DNAH7: variants seen among roughly 807,000 people sequenced by gnomAD.
DNAH7 encodes the protein dynein axonemal heavy chain 7.
A neutral mutation model predicts 444.6 loss-of-function variants in DNAH7; 397 were observed. That is an observed-to-expected ratio of 0.89 (90% CI 0.82 to 0.97). DNAH7 has a LOEUF of 0.97. Ranked by LOEUF, DNAH7 falls within the 50% of genes least tolerant of loss-of-function variation. The pLI, the probability that DNAH7 is intolerant of heterozygous loss-of-function variation, is 0.00. For missense variants in DNAH7, 4,902 were observed against 4,800.8 expected (o/e 1.02, Z -0.62); for synonymous variants, 1,636 against 1,624.4 (o/e 1.01, Z -0.17).
intron 38 of DNAH7, among the ~76,000 whole-genome samples, 186 bp downstream of exon 38, chr2:195,875,489 C>A (rs528159874): frequency 6.6e-6 from 1 of 152,260 alleles, no homozygotes; most frequent in African/African-American, 2.4e-5. Context: ...GGGTGCATAG[C>A]CCATCCAAGG....
At chr2:195,779,408 G>A (rs1695265657) in intron 58 of DNAH7, among the ~76,000 whole-genome samples, 1 of 151,998 alleles carries the variant, frequency 6.6e-6, no homozygotes, top group Admixed American at 6.6e-5. Context: ...AACATTACCA[G>A]TCTGCTTTTC....
At chr2:195,759,203 C>A (rs1694227414) in intron 61 of DNAH7, among the ~76,000 whole-genome samples, 1 of 152,136 alleles carries the variant, frequency 6.6e-6, no homozygotes, top group Admixed American at 6.6e-5. Context: ...GGGGCCAGTT[C>A]AGCCACAGTA....
At chr2:195,922,565 T>C (rs1017806931) in intron 23 of DNAH7, among the ~76,000 whole-genome samples, 2 of 152,186 alleles carry the variant, frequency 1.3e-5, no homozygotes, top group Admixed American at 1.3e-4. Flanking sequence ...GCATCTGAAA[T>C]GATTCCGCCA....
intron 61 of DNAH7, among the ~76,000 whole-genome samples, chr2:195,762,730 A>G (rs1163304630): frequency 1.3e-5 from 2 of 152,196 alleles, no homozygotes; most frequent in Non-Finnish European, 2.9e-5. Flanking sequence ...AGATATATAA[A>G]GCAACTATTA....
intron 45 of DNAH7, among the ~76,000 whole-genome samples, chr2:195,854,412 A>G (rs1009661488): frequency 6.6e-6 from 1 of 152,196 alleles, no homozygotes; most frequent in Admixed American, 6.5e-5. Flanking sequence ...ATGTATATCA[A>G]GTCAATGATT....
At chr2:195,945,447 G>GA (rs946315878) in intron 19 of DNAH7, among the ~76,000 whole-genome samples, 15 of 151,820 alleles carry the variant, frequency 9.9e-5, no homozygotes, top group Admixed American at 3.9e-4. Context: ...AGTCCTGTTG[G>GA]AAAAAAAAGT....
chr2:195,972,835 G>A (rs547563588), intron 15 of DNAH7, among the ~76,000 whole-genome samples: 1 of 152,282 alleles, frequency 6.6e-6, no homozygotes, highest in African/African-American at 2.4e-5. Flanking sequence ...GCAATACACT[G>A]TGATGAAAGA....
At chr2:195,949,703 C>T (rs896086441) in intron 19 of DNAH7, among the ~76,000 whole-genome samples, 6 of 152,152 alleles carry the variant, frequency 3.9e-5, no homozygotes, top group African/African-American at 1.2e-4. Context: ...GGAATGCTTC[C>T]AGCTTTTGCC....
At position 195,875,868 on chromosome 2, in the gene DNAH7, C is replaced by G. The variant is rs374574398; in HGVS notation, c.6118-25G>C. ...CCTGAGAATGAGAAGAGAAGAGGTA[C>G]AGAAAATATTAACATCTCAACATAC... On this transcript the variant is annotated intron_variant, in intron 37 of 64. Transcript: ENST00000312428. 379 of 1,577,208 alleles carry G rather than the reference C, an allele frequency of 2.4e-4. 1 individual carries two copies. Among genetic ancestry groups the G allele is most frequent in the Admixed American group, 9.5e-4 (50 of 52,850 alleles).
intron 60 of DNAH7, among the ~76,000 whole-genome samples, chr2:195,772,245 G>A (rs1421840646): frequency 6.6e-6 from 1 of 152,168 alleles, no homozygotes; most frequent in Non-Finnish European, 1.5e-5. Flanking sequence ...AGCGATGGCG[G>A]GCATTAAAAC....
intron 21 of DNAH7, among the ~76,000 whole-genome samples, chr2:195,933,204 C>T (rs894540431): frequency 6.6e-6 from 1 of 152,240 alleles, no homozygotes; most frequent in South Asian, 2.1e-4. Flanking sequence ...CAATGAGATA[C>T]CATCTCACAC....
intron 40 of DNAH7, among the ~76,000 whole-genome samples, chr2:195,870,266 G>C (rs1700596344): frequency 6.6e-6 from 1 of 152,140 alleles, no homozygotes; most frequent in African/African-American, 2.4e-5. Flanking sequence ...TTTAGAAGGT[G>C]TCAGGTGATG....
At chr2:196,018,319 G>T (rs1201913316) in intron 9 of DNAH7, among the ~76,000 whole-genome samples, 1 of 151,934 alleles carries the variant, frequency 6.6e-6, no homozygotes, top group East Asian at 1.9e-4. Flanking sequence ...TTTACTGTTG[G>T]TAAAAACGTA....
At chr2:195,989,631 T>C (rs1463132470) in intron 12 of DNAH7, among the ~76,000 whole-genome samples, 1 of 152,232 alleles carries the variant, frequency 6.6e-6, no homozygotes, top group Admixed American at 6.5e-5. Context: ...AAATCTCATG[T>C]TGAATTGTAA....
intron 57 of DNAH7, among the ~76,000 whole-genome samples, chr2:195,792,166 C>CAAAAA (rs34983984): frequency 7.3e-5 from 4 of 54,474 alleles, no homozygotes; most frequent in Admixed American, 2.9e-4. Flanking sequence ...GACCCTGTCT[C>CAAAAA]AAAAAAAAAA....
chr2:196,061,172 T>C (rs1698112492), intron 1 of DNAH7, among the ~76,000 whole-genome samples: 1 of 152,174 alleles, frequency 6.6e-6, no homozygotes, highest in Admixed American at 6.5e-5. Flanking sequence ...TGATGTATAA[T>C]AGATCTCTTG....
chr2:195,933,785 A>G (rs1048091090), intron 21 of DNAH7, among the ~76,000 whole-genome samples: 2 of 151,608 alleles, frequency 1.3e-5, no homozygotes, highest in Non-Finnish European at 2.9e-5. Context: ...GCATTAGGAG[A>G]TATACCTAAT....
chr2:195,963,089 C>G (rs1691221784), intron 17 of DNAH7, among the ~76,000 whole-genome samples: 1 of 152,194 alleles, frequency 6.6e-6, no homozygotes. Flanking sequence ...ATGCAGATAT[C>G]TCTTTGATAT....
rs181844043 is a variant in DNAH7, at chr2:195,957,928, C to G, written c.2892-481G>C. On this transcript the variant is annotated intron_variant, in intron 18 of 64. Coordinates refer to ENST00000312428, the MANE Select transcript of DNAH7 (RefSeq NM_018897.3). ...TGTTGACAGTAAAGGTATTCCCAAT[C>G]AAGGGTACTCTGAGCTTCTGAGGAA... Among the ~76,000 whole-genome samples, 239 of 152,166 alleles carry G rather than the reference C, an allele frequency of 1.6e-3. 1 individual carries two copies. Among genetic ancestry groups the G allele is most frequent in the African/African-American group, 5.3e-3 (219 of 41,534 alleles).
Sources: allele counts gnomAD v4.1 joint callset (sites outside exome capture counted in the v4.1 genomes callset), GRCh38; gene constraint gnomAD v4.1.1; transcripts MANE v1.5; gene names NCBI Gene and HGNC (gene_info 2026-07-23, HGNC 2026-07-21).